The following SNTG1 variants were observed in gnomAD, a reference collection of about 807,000 sequenced individuals.
SNTG1 encodes syntrophin gamma 1.
In SNTG1, 39 loss-of-function variants were observed where a neutral mutation model predicts 74.7. The ratio of observed to expected loss-of-function variants is 0.52; its 90% confidence interval spans 0.40 to 0.68. SNTG1 has a LOEUF of 0.68. Among genes scored for constraint, SNTG1 ranks in the 30% least tolerant of loss-of-function variants. The probability of loss-of-function intolerance (pLI) is 0.00; values close to 1 mark genes in which losing one functional copy is unlikely to be tolerated. For synonymous variants in SNTG1, 254 were observed against 217.1 expected, an observed-to-expected ratio of 1.17 and a Z score of -1.49; for missense variants, 685 against 609.5, an observed-to-expected ratio of 1.12 and a Z score of -1.30.
chr8:50,669,077 A>G (rs1016555002), intron 15 of SNTG1, among the ~76,000 whole-genome samples: 1 of 152,166 alleles, frequency 6.6e-6, no homozygotes, highest in Non-Finnish European at 1.5e-5. Flanking sequence ...TGCCCACAAG[A>G]GAAAGCAGGA....
chr8:50,639,903 T>G (rs1181702093), intron 13 of SNTG1, among the ~76,000 whole-genome samples: 1 of 152,094 alleles, frequency 6.6e-6, no homozygotes, highest in Non-Finnish European at 1.5e-5. Context: ...GGTGACATGA[T>G]AGGTTTTACT....
chr8:50,089,611 C>G (rs934451429), intron 1 of SNTG1, among the ~76,000 whole-genome samples: 1 of 152,304 alleles, frequency 6.6e-6, no homozygotes, highest in South Asian at 2.1e-4. Flanking sequence ...TGAACAGACA[C>G]TTCTCAAAAG....
intron 1 of SNTG1, among the ~76,000 whole-genome samples, chr8:49,969,925 T>TGTGTGC (rs1811508044): frequency 6.6e-6 from 1 of 151,504 alleles, no homozygotes. Flanking sequence ...AACCTGTGTG[T>TGTGTGC]GTGTGTGTGT....
chr8:49,960,492 A>G (rs1290947722), intron 1 of SNTG1, among the ~76,000 whole-genome samples: 1 of 152,118 alleles, frequency 6.6e-6, no homozygotes, highest in Non-Finnish European at 1.5e-5. Flanking sequence ...ATAATTAGAA[A>G]TCTGATTTTG....
At chr8:50,057,749 C>G (rs1820145937) in intron 1 of SNTG1, among the ~76,000 whole-genome samples, 2 of 152,074 alleles carry the variant, frequency 1.3e-5, no homozygotes, top group Admixed American at 1.3e-4. Flanking sequence ...TGTGTCCATC[C>G]CTGTTTGAGT....
At chr8:50,377,025 G>A (rs1226540610) in intron 2 of SNTG1, among the ~76,000 whole-genome samples, 1 of 152,070 alleles carries the variant, frequency 6.6e-6, no homozygotes, top group Non-Finnish European at 1.5e-5. Context: ...TGGGCATCAT[G>A]AGCCCAGGCT....
chr8:50,135,145 C>T (rs964650238), intron 1 of SNTG1, among the ~76,000 whole-genome samples: 1 of 152,108 alleles, frequency 6.6e-6, no homozygotes, highest in Admixed American at 6.6e-5. Context: ...AGCCCTACCC[C>T]CTGTCAACAA....
At chr8:50,079,939 T>C (rs1348711036) in intron 1 of SNTG1, among the ~76,000 whole-genome samples, 3 of 152,210 alleles carry the variant, frequency 2.0e-5, no homozygotes, top group African/African-American at 7.2e-5. Flanking sequence ...TATGCTGTTT[T>C]GGTTACTGTA....
intron 1 of SNTG1, among the ~76,000 whole-genome samples, chr8:50,048,442 T>C (rs973981048): frequency 3.9e-5 from 6 of 152,182 alleles, no homozygotes; most frequent in African/African-American, 1.4e-4. Context: ...ATGTGCAGCA[T>C]TACCTGCACC....
chr8:50,087,839 G>C (rs1248783093), intron 1 of SNTG1, among the ~76,000 whole-genome samples: 1 of 150,928 alleles, frequency 6.6e-6, no homozygotes, highest in African/African-American at 2.4e-5. Context: ...GTGCAGGTTA[G>C]TTACATATGT....
chr8:49,936,262 T>C (rs1424071068), intron 1 of SNTG1, among the ~76,000 whole-genome samples: 1 of 152,182 alleles, frequency 6.6e-6, no homozygotes, highest in African/African-American at 2.4e-5. Context: ...TATAATTGAT[T>C]TAGATACAAA....
chr8:50,785,544 A>G (rs1490826015), intron 18 of SNTG1, among the ~76,000 whole-genome samples: 1 of 152,074 alleles, frequency 6.6e-6, no homozygotes, highest in African/African-American at 2.4e-5. Context: ...ACTTCCCACA[A>G]GAAAAAGCCC....
intron 12 of SNTG1, among the ~76,000 whole-genome samples, chr8:50,578,656 G>A (rs1039750127): frequency 1.4e-4 from 21 of 152,096 alleles, no homozygotes; most frequent in African/African-American, 2.2e-4. Flanking sequence ...TCATTATAGC[G>A]AGTGAGTTCT....
chr8:50,109,834 C>T (rs900222516), intron 1 of SNTG1, among the ~76,000 whole-genome samples: 1 of 152,152 alleles, frequency 6.6e-6, no homozygotes, highest in African/African-American at 2.4e-5. Context: ...AGCCAGTGTG[C>T]CGGCAACAGC....
chr8:50,550,067 A>G (rs16915033), intron 11 of SNTG1, among the ~76,000 whole-genome samples: 23,175 of 152,106 alleles, frequency 0.15, 2,567 homozygotes, highest in African/African-American at 0.31. Context: ...AAGTTGCTTC[A>G]TCTTCACTCT....
chr8:50,430,787 G>A (rs2093225663), intron 4 of SNTG1, among the ~76,000 whole-genome samples: 1 of 152,116 alleles, frequency 6.6e-6, no homozygotes, highest in South Asian at 2.1e-4. Context: ...GAAAAGGCAA[G>A]AATGACATGT....
intron 12 of SNTG1, among the ~76,000 whole-genome samples, chr8:50,575,229 A>C (rs1221289341): frequency 6.6e-6 from 1 of 152,122 alleles, no homozygotes; most frequent in African/African-American, 2.4e-5. Context: ...CTTGTTTTCA[A>C]GTTCGTTTAT....
At chr8:50,475,352 T>C (rs1381897312) in intron 8 of SNTG1, among the ~76,000 whole-genome samples, 1 of 152,102 alleles carries the variant, frequency 6.6e-6, no homozygotes, top group Non-Finnish European at 1.5e-5. Flanking sequence ...ACAAATCACA[T>C]AAAAATTCAG....
intron 9 of SNTG1, among the ~76,000 whole-genome samples, chr8:50,518,899 T>A (rs947790109): frequency 6.6e-6 from 1 of 152,168 alleles, no homozygotes; most frequent in Non-Finnish European, 1.5e-5. Context: ...GCACCATTCC[T>A]TCTGAAACTA....
Sources: allele counts gnomAD v4.1 joint callset (sites outside exome capture counted in the v4.1 genomes callset), GRCh38; gene constraint gnomAD v4.1.1; transcripts MANE v1.5; gene names NCBI Gene and HGNC (gene_info 2026-07-23, HGNC 2026-07-21).